Variants in RNPS1 observed in about 807,000 individuals in gnomAD.
RNPS1 encodes RNA-binding protein with serine-rich domain 1.
For missense variants in RNPS1, 300 were observed against 427.6 expected (o/e 0.70, Z 2.63); for synonymous variants, 147 against 150.0 (o/e 0.98, Z 0.15).
intron 1 of RNPS1, chr16:2,267,599 C>T (rs1198233578): frequency 3.0e-5 from 32 of 1,072,992 alleles, no homozygotes; most frequent in Non-Finnish European, 3.3e-5. Context: ...CACAAAGAAA[C>T]TCCGCGCCCG....
intron 1 of RNPS1, 141 bp downstream of exon 1, chr16:2,267,912 CTT>C (rs2093632166): frequency 6.5e-7 from 1 of 1,534,500 alleles, no homozygotes; most frequent in South Asian, 1.2e-5. Flanking sequence ...GGGCCACACT[CTT>C]TCTTCTCGGA....
intron 6 of RNPS1, chr16:2,257,247 G>GC (rs2141547850): frequency 6.6e-6 from 1 of 152,276 alleles, no homozygotes; most frequent in African/African-American, 2.4e-5. Flanking sequence ...CCCAAGCGCA[G>GC]CCCCTTCTGT....
At position 2,262,855 on chromosome 16, in the gene RNPS1, A is replaced by C. The variant is rs181865056; in HGVS notation, c.420-13T>G. The C allele has an allele frequency of 1.5e-4, 246 of 1,605,560 alleles. No individual in the cohort carries two copies. In the African/African-American group the frequency reaches 2.8e-3, roughly 18 times the overall value. On this transcript the variant is annotated splice_polypyrimidine_tract_variant and intron_variant, in intron 4 of 7. Coordinates refer to ENST00000320225, the MANE Select transcript of RNPS1 (RefSeq NM_080594.4). The stretch of plus-strand genomic sequence containing the variant: ...AGGTGGTTTGGATCTGATTGAGAAA[A>C]CAAAACACCAGAAACAATTTCTGTC...
chr16:2,255,056 C>T (rs1281341220), intron 7 of RNPS1, among the ~76,000 whole-genome samples: 11 of 152,108 alleles, frequency 7.2e-5, no homozygotes, highest in African/African-American at 2.7e-4. Flanking sequence ...CTTTTTAATA[C>T]TAGAAGTTGG....
chr16:2,262,692 C>CTG (rs963213471), intron 5 of RNPS1, 48 bp downstream of exon 5: 1 of 1,515,094 alleles, frequency 6.6e-7, no homozygotes, highest in African/African-American at 1.4e-5. Context: ...AGGCACAGGC[C>CTG]TGCTTGTCCA....
At chr16:2,256,704 G>C (rs1443234950) in intron 6 of RNPS1, 2 of 152,480 alleles carry the variant, frequency 1.3e-5, no homozygotes, top group Non-Finnish European at 1.5e-5. Context: ...GAAGGCCCCA[G>C]GGCCAGGGTG....
chr16:2,257,076 G>C (rs936128663), intron 6 of RNPS1: 1 of 152,222 alleles, frequency 6.6e-6, no homozygotes, highest in African/African-American at 2.4e-5. Context: ...TCTGCATGTA[G>C]ATGGCACTGA....
chr16:2,268,119 T>A lies in RNPS1; in HGVS notation c.-182A>T. The A allele has an allele frequency of 1.3e-6, 2 of 1,533,882 alleles. No individual in the cohort carries two copies. Among genetic ancestry groups the A allele is most frequent in the Middle Eastern group, 1.7e-4 (1 of 5,976 alleles). On this transcript the variant is annotated 5_prime_UTR_variant, in exon 1 of 8. Coordinates refer to ENST00000320225, the MANE Select transcript of RNPS1 (RefSeq NM_080594.4). ...CGCCGAGGCCGGCGCCGCTCTGACG[T>A]CAGAGTCAAGGAGCGGGAAGTCGCC...
chr16:2,262,131 C>G, intron 6 of RNPS1, 147 bp downstream of exon 6: 1 of 737,520 alleles, frequency 1.4e-6, no homozygotes, highest in East Asian at 2.7e-5. Context: ...CAGTTTGGTC[C>G]AGGAACTGCA....
intron 6 of RNPS1, 124 bp from the exon 7 acceptor site, chr16:2,255,850 G>A (rs909188245): frequency 5.4e-5 from 59 of 1,088,138 alleles, no homozygotes; most frequent in South Asian, 2.7e-4. Flanking sequence ...AAACAGGGCC[G>A]GGCATGGTGG....
intron 6 of RNPS1, among the ~76,000 whole-genome samples, chr16:2,260,666 C>T (rs992588223): frequency 6.6e-6 from 1 of 152,180 alleles, no homozygotes; most frequent in African/African-American, 2.4e-5. Context: ...ATATCCATGG[C>T]TGGGCTTGGG....
chr16:2,259,921 C>T (rs1596805535), intron 6 of RNPS1, among the ~76,000 whole-genome samples: 1 of 152,152 alleles, frequency 6.6e-6, no homozygotes, highest in Non-Finnish European at 1.5e-5. Flanking sequence ...TCATTAATAT[C>T]AAGCAGGGCA....
chr16:2,259,646 T>C (rs984257834), intron 6 of RNPS1, among the ~76,000 whole-genome samples: 21 of 152,124 alleles, frequency 1.4e-4, no homozygotes, highest in African/African-American at 2.9e-4. Context: ...TCCCAGCACT[T>C]TGGGAGGCTG....
At chr16:2,263,958 G>A in intron 3 of RNPS1, 2 of 494,866 alleles carry the variant, frequency 4.0e-6, no homozygotes, top group Non-Finnish European at 7.1e-6. Context: ...TTGAACTCCA[G>A]GCCCCAAGCA....
At chr16:2,267,502 G>A (rs2093629651) in intron 1 of RNPS1, 1 of 1,009,044 alleles carries the variant, frequency 9.9e-7, no homozygotes, top group African/African-American at 1.7e-5. Flanking sequence ...GCCGATAATT[G>A]CACACGGGAG....
chr16:2,260,670 G>A (rs1054180964), intron 6 of RNPS1, among the ~76,000 whole-genome samples: 13 of 152,132 alleles, frequency 8.5e-5, no homozygotes, highest in Non-Finnish European at 1.9e-4. Flanking sequence ...CCATGGCTGG[G>A]CTTGGGTTTA....
chr16:2,266,635 CAA>C (rs2093626220), intron 1 of RNPS1: 1 of 985,308 alleles, frequency 1.0e-6, no homozygotes, highest in African/African-American at 1.7e-5. Flanking sequence ...CACTTGTCTC[CAA>C]AGTTACACTA....
At chr16:2,262,125 TTGGTCCAGGAAC>T (rs1329430560) in intron 6 of RNPS1, 141 bp downstream of exon 6, 19 of 646,186 alleles carry the variant, frequency 2.9e-5, no homozygotes, top group Non-Finnish European at 2.8e-5. Context: ...AAACCTCAGT[TTGGTCCAGGAAC>T]TGCACCCCAG....
intron 7 of RNPS1, 125 bp from the exon 8 acceptor site, chr16:2,254,188 T>G: frequency 1.5e-6 from 1 of 673,200 alleles, no homozygotes; most frequent in Non-Finnish European, 2.3e-6. Flanking sequence ...CAGGCCAGAG[T>G]GCAGTGGCAC....
Sources: gnomAD v4.1 joint callset for allele counts (sites outside exome capture counted in the v4.1 genomes callset) on GRCh38, gnomAD v4.1.1 for gene constraint, MANE v1.5 for transcripts, NCBI Gene and HGNC (gene_info 2026-07-23, HGNC 2026-07-21) for gene names.